The following GPHN variants were observed in gnomAD, a reference collection of about 807,000 sequenced individuals.
The protein encoded by GPHN is gephyrin.
GPHN carries 17 observed loss-of-function variants against 95.5 expected under a neutral mutation model. The ratio of observed to expected loss-of-function variants is 0.18; its 90% CI spans 0.12 to 0.27. The LOEUF (loss-of-function observed/expected upper bound fraction) is 0.27. Among genes scored for constraint, GPHN ranks in the 10% least tolerant of loss-of-function variants. The pLI, the probability that GPHN is intolerant of heterozygous loss-of-function variation, is 1.00. For synonymous variants in GPHN, 320 were observed against 322.5 expected (o/e 0.99, Z 0.08); for missense variants, 660 against 978.1 (o/e 0.67, Z 4.34).
intron 2 of GPHN, among the ~76,000 whole-genome samples, chr14:66,748,023 G>A (rs1199241123): frequency 6.6e-6 from 1 of 151,998 alleles, no homozygotes; most frequent in African/African-American, 2.4e-5. Flanking sequence ...TGAAATAATG[G>A]AATATGGTAC....
chr14:67,081,892 A>G (rs2076710111), intron 11 of GPHN, among the ~76,000 whole-genome samples: 1 of 152,098 alleles, frequency 6.6e-6, no homozygotes, highest in Non-Finnish European at 1.5e-5. Context: ...TTGCTTTGTC[A>G]ACGATCAGTT....
chr14:66,947,415 C>G (rs76837130), intron 8 of GPHN, among the ~76,000 whole-genome samples: 233 of 152,290 alleles, frequency 1.5e-3, no homozygotes, highest in African/African-American at 5.4e-3. Flanking sequence ...CATGTGTTTA[C>G]TTAATTTATC....
the GPHN span, chr14:67,393,190 G>A: frequency 1.2e-6 from 2 of 1,614,008 alleles, no homozygotes; most frequent in South Asian, 2.2e-5. Flanking sequence ...GCTCCATGTT[G>A]GGGCTTGAAC....
the GPHN span, among the ~76,000 whole-genome samples, chr14:67,367,358 G>C: frequency 3.9e-5 from 6 of 152,188 alleles, no homozygotes; most frequent in African/African-American, 9.6e-5. Context: ...AGCCTCCAGA[G>C]TAGCTGGGAT....
the GPHN span, chr14:67,353,110 C>T: frequency 1.7e-6 from 2 of 1,205,150 alleles, no homozygotes; most frequent in Non-Finnish European, 2.4e-6. Flanking sequence ...CCCTCCCCAC[C>T]AGTGTTAAAA....
In GPHN at chr14:66,691,191, T is replaced by A. The variant is rs111434451; in HGVS notation, c.143+10006T>A. The stretch of plus-strand genomic sequence containing the variant: ...ACACTGTCTCTACAATTTTTATTTT[T>A]TTTTTTTATTTTTAGATGGAGTCTC... On this transcript the variant is annotated intron_variant, in intron 2 of 22. Coordinates refer to ENST00000478722, the MANE Select transcript of GPHN (RefSeq NM_020806.5). 3.6e-3 allele frequency among the ~76,000 whole-genome samples: 552 copies of A among 152,052 alleles called. 1 individual carries two copies. The highest frequency in any genetic ancestry group is 5.7e-3 in the Non-Finnish European group (385 of 67,988).
At chr14:67,670,043 A>T in the GPHN span, among the ~76,000 whole-genome samples, 1 of 152,210 alleles carries the variant, frequency 6.6e-6, no homozygotes, top group Non-Finnish European at 1.5e-5. Context: ...TGCAGTGAGC[A>T]GTGATGGTGC....
chr14:66,914,623 G>A (rs971134201), intron 5 of GPHN, among the ~76,000 whole-genome samples: 3 of 151,940 alleles, frequency 2.0e-5, no homozygotes, highest in African/African-American at 4.8e-5. Flanking sequence ...ACAAACTTCC[G>A]GATGTAGCTA....
At chr14:66,781,460 C>T (rs1374424782) in intron 3 of GPHN, among the ~76,000 whole-genome samples, 1 of 152,068 alleles carries the variant, frequency 6.6e-6, no homozygotes, top group Non-Finnish European at 1.5e-5. Flanking sequence ...TGAAGTGATC[C>T]ACCTGCCTCG....
At chr14:67,337,887 C>A in the GPHN span, 7 of 152,214 alleles carry the variant, frequency 4.6e-5, no homozygotes, top group East Asian at 1.3e-3. Flanking sequence ...CATCGGCAAT[C>A]ATTTATTAGT....
chr14:66,625,600 A>T (rs999052809), intron 1 of GPHN, among the ~76,000 whole-genome samples: 2 of 151,724 alleles, frequency 1.3e-5, no homozygotes, highest in African/African-American at 4.8e-5. Flanking sequence ...TTTATGTTTC[A>T]TTTACATTTT....
intron 9 of GPHN, among the ~76,000 whole-genome samples, chr14:66,995,277 T>C (rs775191430): frequency 6.6e-6 from 1 of 152,314 alleles, no homozygotes; most frequent in Non-Finnish European, 1.5e-5. Context: ...TAAACATTGT[T>C]GTAAGTATAA....
chr14:66,924,608 A>C (rs2066387929), intron 8 of GPHN, among the ~76,000 whole-genome samples: 1 of 152,200 alleles, frequency 6.6e-6, no homozygotes, highest in South Asian at 2.1e-4. Flanking sequence ...TCTTTAAATA[A>C]ATTGCCTGGC....
chr14:66,682,423 A>G (rs1163653983), intron 2 of GPHN, among the ~76,000 whole-genome samples: 2 of 152,188 alleles, frequency 1.3e-5, no homozygotes, highest in African/African-American at 2.4e-5. Flanking sequence ...AAACTTTACA[A>G]TTTCCTCAAA....
chr14:67,169,086 AG>A, intron 21 of GPHN, 50 bp downstream of exon 21: 1 of 1,079,016 alleles, frequency 9.3e-7, no homozygotes, highest in Non-Finnish European at 1.4e-6. Context: ...GGTAACAGTT[AG>A]GGATATGATT....
At chr14:67,480,626 G>C in the GPHN span, among the ~76,000 whole-genome samples, 1 of 152,202 alleles carries the variant, frequency 6.6e-6, no homozygotes, top group East Asian at 1.9e-4. Context: ...GAGACCTCTG[G>C]ACCTCCTACC....
chr14:66,915,968 A>C, intron 5 of GPHN, 35 bp from the exon 6 acceptor site: 2 of 1,182,250 alleles, frequency 1.7e-6, no homozygotes, highest in African/African-American at 3.0e-5. Context: ...CATTCATAGC[A>C]ATTTAGTGTT....
intron 8 of GPHN, among the ~76,000 whole-genome samples, chr14:66,933,316 T>G (rs1199978477): frequency 6.6e-6 from 1 of 152,240 alleles, no homozygotes; most frequent in Non-Finnish European, 1.5e-5. Context: ...ACTTTATTAA[T>G]GAGTCCCACT....
At chr14:67,316,000 C>T in the GPHN span, among the ~76,000 whole-genome samples, 4 of 152,120 alleles carry the variant, frequency 2.6e-5, no homozygotes, top group African/African-American at 9.7e-5. Flanking sequence ...AGTACACTTA[C>T]GAAATGCACT....
Sources: allele counts gnomAD v4.1 joint callset (sites outside exome capture counted in the v4.1 genomes callset), GRCh38; gene constraint gnomAD v4.1.1; transcripts MANE v1.5; gene names NCBI Gene and HGNC (gene_info 2026-07-23, HGNC 2026-07-21).